The following PHACTR1 variants were observed in gnomAD, a reference collection of about 807,000 sequenced individuals.
PHACTR1 encodes phosphatase and actin regulator 1, also known as RPEL repeat containing 1.
In PHACTR1, 16 loss-of-function variants were observed where a neutral mutation model predicts 69.2. The observed-to-expected ratio is 0.23, with a 90% CI of 0.16 to 0.35. The LOEUF is 0.35. PHACTR1 is among the 10% of genes least tolerant of loss of function. The pLI, the probability that PHACTR1 is intolerant of heterozygous loss-of-function variation, is 1.00. For synonymous variants in PHACTR1, 312 were observed against 284.5 expected (o/e 1.10, Z -0.97); for missense variants, 510 against 734.7 (o/e 0.69, Z 3.54).
At chr6:13,255,302 C>G (rs60623165) in intron 10 of PHACTR1, among the ~76,000 whole-genome samples, 2,155 of 152,288 alleles carry the variant, frequency 0.014, 44 homozygotes, top group African/African-American at 0.048. Context: ...CTGCTCCCAT[C>G]ATTCAATCAC....
At chr6:12,975,936 G>T (rs1165970326) in intron 4 of PHACTR1, among the ~76,000 whole-genome samples, 1 of 152,122 alleles carries the variant, frequency 6.6e-6, no homozygotes, top group Admixed American at 6.6e-5. Context: ...TGGGCCGATT[G>T]GTCTTATGAT....
At chr6:12,751,111 T>A (rs929468676) in intron 4 of PHACTR1, among the ~76,000 whole-genome samples, 1 of 152,210 alleles carries the variant, frequency 6.6e-6, no homozygotes, top group Non-Finnish European at 1.5e-5. Flanking sequence ...AAAAACAAGA[T>A]GCACTGACTA....
chr6:12,825,264 G>A (rs1776667278), intron 4 of PHACTR1, among the ~76,000 whole-genome samples: 1 of 151,396 alleles, frequency 6.6e-6, no homozygotes, highest in African/African-American at 2.4e-5. Context: ...AGAGGGCTAT[G>A]AGTGTGCCTC....
chr6:13,110,005 T>C (rs992231235), intron 5 of PHACTR1, among the ~76,000 whole-genome samples: 3 of 152,142 alleles, frequency 2.0e-5, no homozygotes, highest in Non-Finnish European at 2.9e-5. Context: ...ATTTCTTTGT[T>C]GTTTTTTTAA....
At chr6:13,055,102 A>C (rs1561760558) in intron 5 of PHACTR1, among the ~76,000 whole-genome samples, 2 of 152,196 alleles carry the variant, frequency 1.3e-5, no homozygotes, top group African/African-American at 4.8e-5. Context: ...AGAGTCTTGA[A>C]ATCTTAATTC....
chr6:12,813,147 AC>A (rs1444617716), intron 4 of PHACTR1, among the ~76,000 whole-genome samples: 1 of 152,234 alleles, frequency 6.6e-6, no homozygotes, highest in Non-Finnish European at 1.5e-5. Context: ...AAAAAAACAG[AC>A]AGGAAGCCCC....
At chr6:12,959,196 G>GA (rs1792342838) in intron 4 of PHACTR1, among the ~76,000 whole-genome samples, 1 of 77,852 alleles carries the variant, frequency 1.3e-5, no homozygotes, top group African/African-American at 5.7e-5. Context: ...AAAAAAAAAA[G>GA]AAAAGAAAAA....
intron 3 of PHACTR1, among the ~76,000 whole-genome samples, chr6:12,738,669 C>T (rs995320929): frequency 1.3e-5 from 2 of 152,132 alleles, no homozygotes; most frequent in Non-Finnish European, 1.5e-5. Flanking sequence ...TGGAGACCAG[C>T]CTGGCCAACA....
chr6:12,979,345 C>T (rs1168226789), intron 4 of PHACTR1, among the ~76,000 whole-genome samples: 2 of 152,292 alleles, frequency 1.3e-5, no homozygotes, highest in South Asian at 4.1e-4. Context: ...CTAAACATGG[C>T]GGTGCTGCAC....
chr6:13,218,135 A>G (rs1767962319), intron 8 of PHACTR1, among the ~76,000 whole-genome samples: 1 of 152,184 alleles, frequency 6.6e-6, no homozygotes, highest in African/African-American at 2.4e-5. Flanking sequence ...TCCCTTTATT[A>G]CATGTTTTTC....
chr6:12,833,858 T>C (rs1777861285), intron 4 of PHACTR1, among the ~76,000 whole-genome samples: 1 of 152,108 alleles, frequency 6.6e-6, no homozygotes, highest in African/African-American at 2.4e-5. Context: ...CTCCCTCTCC[T>C]TCTACTCCTG....
chr6:13,074,360 G>C (rs1251635022), intron 5 of PHACTR1, among the ~76,000 whole-genome samples: 1 of 152,158 alleles, frequency 6.6e-6, no homozygotes, highest in Non-Finnish European at 1.5e-5. Context: ...AATCGATAAC[G>C]ACACTCTGTC....
intron 4 of PHACTR1, among the ~76,000 whole-genome samples, chr6:12,884,236 A>G (rs980835105): frequency 2.0e-5 from 3 of 152,166 alleles, no homozygotes; most frequent in African/African-American, 7.2e-5. Context: ...TTATTTCCCA[A>G]TATCTGTCCC....
At chr6:13,228,643 G>A (rs1278505450) in intron 9 of PHACTR1, among the ~76,000 whole-genome samples, 1 of 152,154 alleles carries the variant, frequency 6.6e-6, no homozygotes, top group Non-Finnish European at 1.5e-5. Context: ...TTTAATAAAT[G>A]AACTTATGAG....
chr6:12,929,645 C>T (rs1328715628), intron 4 of PHACTR1, among the ~76,000 whole-genome samples: 1 of 152,228 alleles, frequency 6.6e-6, no homozygotes, highest in African/African-American at 2.4e-5. Context: ...AGTCACACCA[C>T]TTCAATAGCT....
intron 4 of PHACTR1, among the ~76,000 whole-genome samples, chr6:12,813,344 G>A (rs1775228802): frequency 1.3e-5 from 2 of 152,154 alleles, no homozygotes; most frequent in Non-Finnish European, 2.9e-5. Flanking sequence ...AGCTTCAGGG[G>A]GGTCTATGAA....
intron 4 of PHACTR1, among the ~76,000 whole-genome samples, chr6:12,837,377 C>T (rs1219241262): frequency 6.6e-6 from 1 of 152,032 alleles, no homozygotes; most frequent in Non-Finnish European, 1.5e-5. Flanking sequence ...AAAGCAAGCA[C>T]CTCCTCAATA....
chr6:13,184,761 T>G, intron 7 of PHACTR1: 1 of 1,352,882 alleles, frequency 7.4e-7, no homozygotes, highest in Non-Finnish European at 9.9e-7. Context: ...ACTGCGTTTG[T>G]GTAATGTCTC....
At chr6:12,964,254 C>G (rs1477822398) in intron 4 of PHACTR1, among the ~76,000 whole-genome samples, 4 of 151,808 alleles carry the variant, frequency 2.6e-5, no homozygotes, top group Non-Finnish European at 4.4e-5. Flanking sequence ...CATACCTATT[C>G]AGGGAAATAA....
Sources: allele counts gnomAD v4.1 joint callset (sites outside exome capture counted in the v4.1 genomes callset), GRCh38; gene constraint gnomAD v4.1.1; transcripts MANE v1.5; gene names NCBI Gene and HGNC (gene_info 2026-07-23, HGNC 2026-07-21).